The following AFG2B variants were observed in gnomAD, a reference collection of about 807,000 sequenced individuals.
AFG2B encodes the protein ATPase family gene 2 protein homolog B.
At chr15:45,402,868 G>A in the AFG2B span, 1 of 1,598,530 alleles carries the variant, frequency 6.3e-7, no homozygotes, top group African/African-American at 1.3e-5. Context: ...GATCTCCCTG[G>A]GCCACGTGGT....
the AFG2B span, among the ~76,000 whole-genome samples, chr15:45,405,040 A>T: frequency 6.6e-6 from 1 of 152,078 alleles, no homozygotes; most frequent in Admixed American, 6.6e-5. Context: ...AGTGTTGGGA[A>T]TATTTCAGAT....
At chr15:45,415,581 C>T in the AFG2B span, 1 of 1,604,404 alleles carries the variant, frequency 6.2e-7, no homozygotes, top group Non-Finnish European at 8.5e-7. Context: ...TTTTTCCTAA[C>T]AAAAGATATT....
chr15:45,402,348 G>A, the AFG2B span: 2 of 1,535,586 alleles, frequency 1.3e-6, no homozygotes, highest in South Asian at 1.2e-5. Flanking sequence ...TCTGCTTCCG[G>A]CCTGCGAGCT....
chr15:45,421,074 T>C, the AFG2B span: 1 of 1,612,576 alleles, frequency 6.2e-7, no homozygotes, highest in Non-Finnish European at 8.5e-7. Context: ...GAAAATGGAC[T>C]AGACGCAACT....
the AFG2B span, chr15:45,405,271 T>G: frequency 2.6e-6 from 4 of 1,542,236 alleles, no homozygotes; most frequent in South Asian, 2.4e-5. Flanking sequence ...AATAATATAT[T>G]TTAAACTATA....
At chr15:45,412,398 C>CAA in the AFG2B span, among the ~76,000 whole-genome samples, 1 of 134,646 alleles carries the variant, frequency 7.4e-6, no homozygotes, top group Non-Finnish European at 1.7e-5. Flanking sequence ...GACTCCGTCT[C>CAA]AAAAAAAAAA....
chr15:45,419,523 C>A, the AFG2B span, among the ~76,000 whole-genome samples: 1 of 151,728 alleles, frequency 6.6e-6, no homozygotes, highest in African/African-American at 2.4e-5. Flanking sequence ...CCTTGTAAAC[C>A]ACTCTAAGAT....
the AFG2B span, chr15:45,417,271 T>A: frequency 5.0e-6 from 8 of 1,613,328 alleles, no homozygotes; most frequent in Non-Finnish European, 4.2e-6. Context: ...GCCCTCAGAG[T>A]TTCAAGAAGT....
chr15:45,410,375 C>G, the AFG2B span: 6 of 1,612,228 alleles, frequency 3.7e-6, no homozygotes, highest in Non-Finnish European at 4.2e-6. Context: ...TCTTCAGAAC[C>G]AGGACAATCC....
the AFG2B span, chr15:45,402,769 C>A: frequency 1.9e-6 from 3 of 1,583,726 alleles, no homozygotes; most frequent in African/African-American, 4.0e-5. Flanking sequence ...CGCCGTGTGG[C>A]CGGTGTTGCG....
At chr15:45,402,515 G>A in the AFG2B span, 1 of 1,605,006 alleles carries the variant, frequency 6.2e-7, no homozygotes, top group Non-Finnish European at 8.5e-7. Flanking sequence ...ACCCAGCGCT[G>A]CCGCCTGGGC....
chr15:45,402,482 C>T, the AFG2B span: 3 of 1,610,462 alleles, frequency 1.9e-6, no homozygotes, highest in South Asian at 1.1e-5. Flanking sequence ...AAGCTGCTAC[C>T]CTTAGACGCT....
At chr15:45,420,274 T>C in the AFG2B span, among the ~76,000 whole-genome samples, 1 of 152,218 alleles carries the variant, frequency 6.6e-6, no homozygotes, top group East Asian at 1.9e-4. Flanking sequence ...TTATGAGTTA[T>C]GCTGCTGTGA....
At chr15:45,409,557 T>C in the AFG2B span, among the ~76,000 whole-genome samples, 3 of 151,674 alleles carry the variant, frequency 2.0e-5, no homozygotes, top group African/African-American at 7.3e-5. Context: ...AGGAAATTAT[T>C]ACATAAAATA....
At chr15:45,411,151 A>C in the AFG2B span, among the ~76,000 whole-genome samples, 30 of 152,012 alleles carry the variant, frequency 2.0e-4, no homozygotes, top group Non-Finnish European at 4.1e-4. Flanking sequence ...GCAGTGAGCC[A>C]AGATCCCACC....
the AFG2B span, among the ~76,000 whole-genome samples, chr15:45,411,492 A>AT: frequency 2.6e-5 from 4 of 152,206 alleles, no homozygotes; most frequent in African/African-American, 9.6e-5. Flanking sequence ...TAATTTTTAA[A>AT]TTTTTTGTAG....
At chr15:45,419,328 G>A in the AFG2B span, among the ~76,000 whole-genome samples, 15 of 152,126 alleles carry the variant, frequency 9.9e-5, no homozygotes, top group African/African-American at 1.7e-4. Flanking sequence ...TCCCAGCTAC[G>A]TGGGGGACTA....
At chr15:45,416,812 G>C in the AFG2B span, 1 of 153,050 alleles carries the variant, frequency 6.5e-6, no homozygotes, top group Non-Finnish European at 1.5e-5. Context: ...AACTTAGATT[G>C]TCATTTCAAA....
the AFG2B span, chr15:45,402,494 G>A: frequency 1.9e-6 from 3 of 1,609,630 alleles, no homozygotes; most frequent in Admixed American, 1.7e-5. Context: ...TTAGACGCTA[G>A]AGACCGGGGC....
Sources: allele counts gnomAD v4.1 joint callset (sites outside exome capture counted in the v4.1 genomes callset), GRCh38; gene constraint gnomAD v4.1.1; transcripts MANE v1.5; gene names NCBI Gene and HGNC (gene_info 2026-07-23, HGNC 2026-07-21).